ACACA: variants seen among roughly 807,000 people sequenced by gnomAD.
ACACA encodes acetyl-CoA carboxylase 1.
ACACA carries 103 observed loss-of-function variants against 296.1 expected under a neutral mutation model. The ratio of observed to expected loss-of-function variants is 0.35; its 90% CI spans 0.30 to 0.41. The LOEUF (loss-of-function observed/expected upper bound fraction) is 0.41. Ranked by LOEUF, ACACA falls within the 10% of genes least tolerant of loss-of-function variation. The pLI, the probability that ACACA is intolerant of heterozygous loss-of-function variation, is 1.00. For missense variants in ACACA, 1,554 were observed against 2,989.7 expected (o/e 0.52, Z 11.20); for synonymous variants, 953 against 1,038.6 (o/e 0.92, Z 1.58).
intron 49 of ACACA, among the ~76,000 whole-genome samples, chr17:37,122,010 G>T (rs1314448659): frequency 6.6e-6 from 1 of 152,156 alleles, no homozygotes; most frequent in Non-Finnish European, 1.5e-5. Flanking sequence ...ACCAGGCACA[G>T]TGGCTCATCC....
At chr17:37,289,450 T>C (rs1348989096) in intron 3 of ACACA, 1 of 1,351,876 alleles carries the variant, frequency 7.4e-7, no homozygotes, top group Non-Finnish European at 9.8e-7. Context: ...TATGGCACAA[T>C]CAAACATTTC....
intron 42 of ACACA, 184 bp downstream of exon 42, chr17:37,161,597 A>C: frequency 1.4e-6 from 1 of 703,498 alleles, no homozygotes; most frequent in Non-Finnish European, 2.3e-6. Context: ...CCAAGTGAAC[A>C]TATTGAGAAA....
intron 39 of ACACA, among the ~76,000 whole-genome samples, chr17:37,182,316 A>G (rs1486944872): frequency 6.6e-6 from 1 of 151,928 alleles, no homozygotes; most frequent in Non-Finnish European, 1.5e-5. Context: ...ATATAGTAAA[A>G]TAACCATATT....
At chr17:37,189,203 T>C (rs1336138678) in intron 38 of ACACA, among the ~76,000 whole-genome samples, 1 of 152,240 alleles carries the variant, frequency 6.6e-6, no homozygotes. Context: ...TGATTTCTTG[T>C]TATTTACATG....
In ACACA at chr17:37,193,407, G is replaced by A; in HGVS notation, c.4167C>T (p.Phe1389=). 1 of 1,602,000 alleles carries A rather than the reference G, an allele frequency of 6.2e-7. No individual in the cohort carries two copies. Among genetic ancestry groups the A allele is most frequent in the Non-Finnish European group, 8.6e-7 (1 of 1,169,390 alleles). ...TTGCTCGGAATGTAAAAAATTTAGG[G>A]AATTCTCTCTGTATTAAAGAAGGGG... ...YEVDRRFHRE[F]PKFFTFRARD... Residue 1389 remains phenylalanine, a synonymous_variant, in exon 36 of 56, where the codon TTC becomes TTT. Transcript: ENST00000616317.
intron 1 of ACACA, among the ~76,000 whole-genome samples, chr17:37,381,774 CTCG>C (rs780599019): frequency 1.6e-4 from 24 of 151,770 alleles, no homozygotes; most frequent in East Asian, 3.9e-4. Context: ...ACTACAGGCA[CTCG>C]CCACCACACC....
At chr17:37,179,219 G>A (rs781574731) in intron 41 of ACACA, 41 bp downstream of exon 41, 7 of 1,613,440 alleles carry the variant, frequency 4.3e-6, no homozygotes, top group Non-Finnish European at 5.9e-6. Flanking sequence ...GTACTAGTGG[G>A]CACAGAGATA....
chr17:37,403,050 C>A (rs1228616467), intron 1 of ACACA, among the ~76,000 whole-genome samples: 1 of 152,194 alleles, frequency 6.6e-6, no homozygotes, highest in Non-Finnish European at 1.5e-5. Context: ...ACTGAGGTTA[C>A]AAAGACAACA....
intron 18 of ACACA, among the ~76,000 whole-genome samples, chr17:37,247,678 T>A (rs906854589): frequency 6.6e-6 from 1 of 152,234 alleles, no homozygotes; most frequent in East Asian, 1.9e-4. Context: ...CATTTGTGAA[T>A]GTATTTAAAG....
intron 45 of ACACA, among the ~76,000 whole-genome samples, chr17:37,139,061 G>A (rs990869003): frequency 2.6e-5 from 4 of 152,086 alleles, no homozygotes; most frequent in Non-Finnish European, 4.4e-5. Flanking sequence ...GAGAGGAGAG[G>A]GGTTGACAGA....
At chr17:37,191,069 T>C (rs776040412) in intron 38 of ACACA, 51 bp downstream of exon 38, 4 of 1,601,022 alleles carry the variant, frequency 2.5e-6, no homozygotes. Flanking sequence ...ATGAATGAAC[T>C]TCTGTGCTTA....
intron 52 of ACACA, among the ~76,000 whole-genome samples, chr17:37,099,631 T>TG (rs2073234892): frequency 7.5e-6 from 1 of 132,858 alleles, no homozygotes; most frequent in Non-Finnish European, 1.6e-5. Context: ...GGAGGGCTGA[T>TG]GGAGGGAGGG....
intron 3 of ACACA, among the ~76,000 whole-genome samples, chr17:37,319,465 G>A (rs1352965110): frequency 1.3e-5 from 2 of 152,140 alleles, no homozygotes; most frequent in Non-Finnish European, 1.5e-5. Context: ...AAGCGTTTAT[G>A]TTTGCTTGCT....
intron 50 of ACACA, among the ~76,000 whole-genome samples, chr17:37,117,940 T>C (rs2074337967): frequency 6.6e-6 from 1 of 152,150 alleles, no homozygotes; most frequent in African/African-American, 2.4e-5. Context: ...AGGGATGGCA[T>C]AATTGTTTAT....
intron 51 of ACACA, 26 bp from the exon 52 acceptor site, chr17:37,111,669 A>G (rs770619956): frequency 7.0e-6 from 11 of 1,560,332 alleles, no homozygotes; most frequent in Non-Finnish European, 8.8e-6. Flanking sequence ...AGAAAAAACA[A>G]AACAGAAATA....
chr17:37,284,997 C>T, intron 3 of ACACA, 27 bp from the exon 4 acceptor site: 1 of 1,614,004 alleles, frequency 6.2e-7, no homozygotes, highest in African/African-American at 1.3e-5. Flanking sequence ...GCCATAAAAA[C>T]ACCACCTATA....
chr17:37,231,340 C>T (rs2079851655), intron 25 of ACACA, among the ~76,000 whole-genome samples: 1 of 152,114 alleles, frequency 6.6e-6, no homozygotes, highest in Non-Finnish European at 1.5e-5. Flanking sequence ...ATGTGTAATG[C>T]CCTCAAGACA....
At chr17:37,382,703 T>C (rs2050352644) in intron 1 of ACACA, among the ~76,000 whole-genome samples, 1 of 152,002 alleles carries the variant, frequency 6.6e-6, no homozygotes. Context: ...CTACTAAAAA[T>C]ACAAAAATTA....
chr17:37,246,778 T>C (rs1270849824), intron 19 of ACACA, 48 bp downstream of exon 19: 8 of 1,608,040 alleles, frequency 5.0e-6, no homozygotes, highest in South Asian at 1.1e-5. Flanking sequence ...GCCGACCCTT[T>C]TCCTACCTTC....
Sources: gnomAD v4.1 joint callset for allele counts (sites outside exome capture counted in the v4.1 genomes callset) on GRCh38, gnomAD v4.1.1 for gene constraint, MANE v1.5 for transcripts, NCBI Gene and HGNC (gene_info 2026-07-23, HGNC 2026-07-21) for gene names.